CCDC7: variants seen among roughly 807,000 people sequenced by gnomAD.
The protein encoded by CCDC7 is coiled-coil domain containing 7, also known as coiled-coil domain-containing protein 7.
CCDC7 carries 183 observed loss-of-function variants against 196.9 expected under a neutral mutation model. The observed-to-expected ratio is 0.93, with a 90% CI of 0.82 to 1.05. The LOEUF (loss-of-function observed/expected upper bound fraction) is 1.05. Among genes scored for constraint, CCDC7 ranks in the 50% least tolerant of loss-of-function variants. The probability of loss-of-function intolerance (pLI) is 0.00; values close to 1 mark genes in which losing one functional copy is unlikely to be tolerated. For missense variants in CCDC7, 1,540 were observed against 1,482.2 expected (o/e 1.04, Z -0.64); for synonymous variants, 525 against 484.6 (o/e 1.08, Z -1.10).
rs192161210 is a variant in CCDC7 at position 32,655,857 on chromosome 10, C to T, written c.2015-8197C>T. ...CCACGATGTCTGGCCTATATGTCTT[C>T]TTTTGAGAAATATGTATTAGGCTTT... On this transcript the variant is annotated intron_variant, in intron 20 of 41. Transcript: ENST00000639629. Among the ~76,000 whole-genome samples the T allele has an allele frequency of 2.2e-4, 33 of 152,254 alleles. 1 individual carries two copies. The highest frequency in any genetic ancestry group is 6.5e-4 in the Admixed American group (10 of 15,292).
intron 30 of CCDC7, among the ~76,000 whole-genome samples, chr10:32,809,445 A>G (rs2086588180): frequency 6.6e-6 from 1 of 152,210 alleles, no homozygotes; most frequent in Non-Finnish European, 1.5e-5. Context: ...CAAAAAATAC[A>G]TTCAGTGGGA....
intron 21 of CCDC7, among the ~76,000 whole-genome samples, chr10:32,684,335 A>G (rs1020785390): frequency 1.3e-5 from 2 of 152,142 alleles, no homozygotes; most frequent in Non-Finnish European, 2.9e-5. Context: ...GGCTCTGCGG[A>G]GACTCCATGC....
chr10:32,867,668 TAGTA>T (rs1418482085), intron 41 of CCDC7, among the ~76,000 whole-genome samples: 1 of 151,674 alleles, frequency 6.6e-6, no homozygotes, highest in Non-Finnish European at 1.5e-5. Context: ...ATAGAAATAA[TAGTA>T]AGTCTATTGT....
At chr10:32,529,179 C>T (rs1195277350) in intron 11 of CCDC7, among the ~76,000 whole-genome samples, 2 of 152,006 alleles carry the variant, frequency 1.3e-5, no homozygotes, top group East Asian at 1.9e-4. Context: ...CTCACTACCA[C>T]GCCTGGCTAA....
intron 28 of CCDC7, among the ~76,000 whole-genome samples, chr10:32,758,314 C>T (rs753283058): frequency 6.6e-6 from 1 of 152,126 alleles, no homozygotes; most frequent in Admixed American, 6.5e-5. Context: ...GAATTTTAGA[C>T]CAATATCCCT....
intron 7 of CCDC7, 141 bp downstream of exon 8, chr10:32,472,683 C>T: frequency 1.4e-6 from 1 of 709,928 alleles, no homozygotes; most frequent in Non-Finnish European, 2.0e-6. Context: ...CAGCCTCAAA[C>T]TCTTGGGCTC....
chr10:32,723,655 G>C (rs2082717632), intron 25 of CCDC7, among the ~76,000 whole-genome samples: 1 of 151,978 alleles, frequency 6.6e-6, no homozygotes, highest in South Asian at 2.1e-4. Context: ...CAAAGTGGCT[G>C]CTAATAGTAT....
At chr10:32,571,976 AAATTT>A in intron 16 of CCDC7, 83 bp downstream of exon 17, 1 of 1,288,166 alleles carries the variant, frequency 7.8e-7, no homozygotes, top group Non-Finnish European at 1.0e-6. Flanking sequence ...TAACCATTCT[AAATTT>A]AATGTCACAA....
At chr10:32,677,019 G>A (rs1054195877) in intron 21 of CCDC7, among the ~76,000 whole-genome samples, 14 of 148,598 alleles carry the variant, frequency 9.4e-5, no homozygotes, top group African/African-American at 3.7e-4. Flanking sequence ...CACATACCAT[G>A]GAATACTATG....
chr10:32,614,017 C>G (rs2062482804), intron 18 of CCDC7, among the ~76,000 whole-genome samples: 1 of 152,100 alleles, frequency 6.6e-6, no homozygotes. Context: ...GTTAACGTCT[C>G]CCACTATTAT....
intron 21 of CCDC7, among the ~76,000 whole-genome samples, chr10:32,681,970 C>A (rs1363119264): frequency 2.6e-5 from 4 of 152,040 alleles, no homozygotes; most frequent in Admixed American, 2.0e-4. Flanking sequence ...CTGTGCGAAT[C>A]CTGACTAATC....
chr10:32,578,633 A>G (rs138983029), intron 16 of CCDC7, among the ~76,000 whole-genome samples: 7 of 152,058 alleles, frequency 4.6e-5, no homozygotes, highest in African/African-American at 1.7e-4. Context: ...CTGATCTGAC[A>G]GGAGGTGGAG....
At position 32,513,237 on chromosome 10, in the gene CCDC7, A is replaced by G. The variant is rs140290254; in HGVS notation, c.873-4708A>G. The G allele has an allele frequency of 6.6e-5, 10 of 152,270 alleles. No individual in the cohort carries two copies. In the East Asian group the frequency reaches 1.3e-3, roughly 21 times the overall value. The allele number at this position is 152,270 out of a possible 1,614,324, so 9.4% of individuals were successfully genotyped here. A position where few individuals can be genotyped will look rare whatever the true frequency, so the allele number is the denominator to read the frequency against. On this transcript the variant is annotated intron_variant, in intron 9 of 41. Coordinates refer to ENST00000639629, the Ensembl canonical transcript of CCDC7. ...GAATACTATGAATAACTATGTGACC[A>G]CAAATTAGATAACTTAGATGATATA...
intron 18 of CCDC7, among the ~76,000 whole-genome samples, chr10:32,596,335 T>A (rs1266393822): frequency 1.3e-5 from 2 of 152,210 alleles, no homozygotes; most frequent in Admixed American, 1.3e-4. Flanking sequence ...AAGTCTGTTT[T>A]GTCAGATACT....
intron 26 of CCDC7, among the ~76,000 whole-genome samples, chr10:32,727,910 T>C (rs987175520): frequency 5.9e-5 from 9 of 152,156 alleles, no homozygotes; most frequent in African/African-American, 2.2e-4. Flanking sequence ...TTGTTCTTAC[T>C]CTTGATTGTA....
chr10:32,860,869 C>T (rs569615752), intron 41 of CCDC7, among the ~76,000 whole-genome samples: 1 of 152,070 alleles, frequency 6.6e-6, no homozygotes, highest in Non-Finnish European at 1.5e-5. Context: ...TGAAGGACCT[C>T]TTCAAGGAGA....
At chr10:32,828,444 GAA>G (rs2091517367) in intron 32 of CCDC7, among the ~76,000 whole-genome samples, 1 of 78,268 alleles carries the variant, frequency 1.3e-5, no homozygotes, top group African/African-American at 4.2e-5. Flanking sequence ...GGAAGGAGAA[GAA>G]GAAGAAGAAG....
chr10:32,595,437 C>G (rs969806506), intron 18 of CCDC7, among the ~76,000 whole-genome samples: 2 of 152,024 alleles, frequency 1.3e-5, no homozygotes, highest in African/African-American at 2.4e-5. Context: ...ATTCTTCTCT[C>G]TTTTCTTTTT....
At chr10:32,624,231 T>C (rs2063723740) in intron 18 of CCDC7, among the ~76,000 whole-genome samples, 1 of 152,186 alleles carries the variant, frequency 6.6e-6, no homozygotes, top group African/African-American at 2.4e-5. Flanking sequence ...TTTGTTGCCC[T>C]GGACTATTAC....
Sources: allele counts gnomAD v4.1 joint callset (sites outside exome capture counted in the v4.1 genomes callset), GRCh38; gene constraint gnomAD v4.1.1; transcripts MANE v1.5; gene names NCBI Gene and HGNC (gene_info 2026-07-23, HGNC 2026-07-21).